Variants in NOTCH2 observed in about 807,000 individuals in gnomAD.
The protein encoded by NOTCH2 is notch receptor 2, also known as neurogenic locus notch homolog protein 2.
Under a neutral mutation model 235.8 loss-of-function variants are expected in NOTCH2, and 29 were observed. The ratio of observed to expected loss-of-function variants is 0.12; its 90% confidence interval spans 0.09 to 0.17. NOTCH2 has a LOEUF of 0.17. Among genes scored for constraint, NOTCH2 ranks in the 10% least tolerant of loss-of-function variants. The probability of loss-of-function intolerance (pLI) is 1.00; values close to 1 mark genes in which losing one functional copy is unlikely to be tolerated. For synonymous variants in NOTCH2, 1,086 were observed against 1,141.5 expected, an observed-to-expected ratio of 0.95 and a Z score of 0.98; for missense variants, 2,285 against 3,150.2, an observed-to-expected ratio of 0.73 and a Z score of 6.57.
At chr1:119,987,150 C>T (rs1198321764) in intron 4 of NOTCH2, 68 bp from the exon 5 acceptor site, 1 of 1,590,694 alleles carries the variant, frequency 6.3e-7, no homozygotes. Context: ...TCTGTTCCCA[C>T]AGAACATGGT....
intron 2 of NOTCH2, among the ~76,000 whole-genome samples, chr1:120,026,974 C>G (rs1215577566): frequency 7.3e-6 from 1 of 136,454 alleles, no homozygotes; most frequent in Non-Finnish European, 1.6e-5. Context: ...TTTTTGGAGA[C>G]ACAGTCTCGC....
Position 119,916,525 on chromosome 1 carries a change from T to A in NOTCH2, c.6197A>T (p.Asn2066Ile). The A allele has an allele frequency of 6.2e-7, 1 of 1,613,328 alleles. No individual in the cohort carries two copies. Among genetic ancestry groups the A allele is most frequent in the Non-Finnish European group, 8.5e-7 (1 of 1,179,276 alleles). ...HDIVRLLDEY[N>I]VTPSPPGTVL... ...GGTGCCTGGAGGGCTTGGGGTCACA[T>A]TGTATTCATCCAGAAGGCGCACAAT... Residue 2066 changes from asparagine to isoleucine, a missense_variant, in exon 34 of 34, where the codon AAT (asparagine) becomes ATT (isoleucine). Physicochemically the swap from Asn to Ile is moderately radical, Grantham distance 149. Transcript: ENST00000256646.
chr1:119,937,933 G>A lies in NOTCH2; in HGVS notation c.3261C>T (p.Cys1087=), dbSNP rs1649917402. Residue 1087 remains cysteine (C), a synonymous_variant, in exon 20 of 34, where the codon TGC becomes TGT. Coordinates refer to ENST00000256646, the MANE Select transcript of NOTCH2 (RefSeq NM_024408.4). ...CACCAGCCCATCCAGATGGACATAG[G>A]CACTGGGACTCTGCTTTTTTCTGAA... ...TCVQKKAESQ[C]LCPSGWAGAY... is the part of the protein sequence containing the mutation. 1 of 1,614,142 alleles carries A rather than the reference G, an allele frequency of 6.2e-7. No homozygotes were observed. The highest frequency in any genetic ancestry group is 1.6e-4 in the Middle Eastern group (1 of 6,062).
chr1:119,937,947 C>G lies in NOTCH2; in HGVS notation c.3247G>C (p.Ala1083Pro). 6.2e-7 allele frequency: 1 copy of G among 1,614,164 alleles called. No homozygotes were observed. Among genetic ancestry groups the G allele is most frequent in the Non-Finnish European group, 8.5e-7 (1 of 1,180,022 alleles). ...KNKGTCVQKK[A>P]ESQCLCPSGW... Reference sequence around the variant, plus strand: ...GATGGACATAGGCACTGGGACTCTGCTTTTTTCTGAACGCAAGTACCTTTG... The same window carrying G: ...GATGGACATAGGCACTGGGACTCTGGTTTTTTCTGAACGCAAGTACCTTTG... The change falls in exon 20 of 34, where the codon GCA becomes CCA. Residue 1083 changes from alanine (A) to proline (P), a missense_variant. Around this residue, in one of 6 missense-constraint regions of NOTCH2, gnomAD observed 1,173 missense variants for 1,515.3 expected, o/e 0.77. Coordinates refer to ENST00000256646, the MANE Select transcript of NOTCH2 (RefSeq NM_024408.4).
At chr1:120,058,505 C>CA (rs4020835) in intron 1 of NOTCH2, among the ~76,000 whole-genome samples, 51 of 135,394 alleles carry the variant, frequency 3.8e-4, no homozygotes, top group Non-Finnish European at 3.0e-4. Context: ...AACTCCAACT[C>CA]AAAAAAAAAG....
chr1:119,976,163 G>A (rs1437668501), intron 5 of NOTCH2, among the ~76,000 whole-genome samples: 1 of 152,076 alleles, frequency 6.6e-6, no homozygotes, highest in Non-Finnish European at 1.5e-5. Context: ...CTATGGCTGA[G>A]TCAAGAGAGC....
intron 14 of NOTCH2, among the ~76,000 whole-genome samples, chr1:119,951,757 G>A (rs1553197847): frequency 1.3e-5 from 2 of 152,228 alleles, no homozygotes; most frequent in Admixed American, 1.3e-4. Flanking sequence ...CCTTAAAGTA[G>A]AGAAACTATG....
Position 119,943,188 on chromosome 1 carries a change from T to C in NOTCH2, c.2753-1434A>G, listed in dbSNP as rs587660791. 6.3e-4 allele frequency among the ~76,000 whole-genome samples: 96 copies of C among 152,338 alleles called. 1 individual carries two copies. Among genetic ancestry groups the C allele is most frequent in the African/African-American group, 2.1e-3 (89 of 41,566 alleles). On this transcript the variant is annotated intron_variant, in intron 17 of 33. Coordinates refer to ENST00000256646, the MANE Select transcript of NOTCH2 (RefSeq NM_024408.4). ...ATCTTATCACTGCCGGCACCTAGCA[T>C]GGTGGCCTCTATATGATAATCTGAA...
intron 19 of NOTCH2, among the ~76,000 whole-genome samples, chr1:119,939,862 C>T (rs946708690): frequency 6.6e-6 from 1 of 151,448 alleles, no homozygotes; most frequent in Non-Finnish European, 1.5e-5. Flanking sequence ...CTTAAGTGCG[C>T]CCTGTAAGTC....
chr1:119,917,351 C>T (rs2493395), intron 33 of NOTCH2, among the ~76,000 whole-genome samples: 6 of 151,642 alleles, frequency 4.0e-5, no homozygotes, highest in South Asian at 4.2e-4. Flanking sequence ...AGAAAGAAAA[C>T]GAGAAAAAGA....
At position 120,000,906 on chromosome 1, in the gene NOTCH2, C is replaced by G. The variant is rs373684801; in HGVS notation, c.416-3574G>C. Among the ~76,000 whole-genome samples the G allele has an allele frequency of 2.7e-4, 41 of 151,890 alleles. No homozygotes were observed. In the East Asian group the frequency reaches 6.6e-3, roughly 25 times the overall value. ...ATGAATGATATGGTTTGGTAGTGTC[C>G]CCACCCAAATCTCAACTTGAATTGT... On this transcript the variant is annotated intron_variant, in intron 3 of 33. Coordinates refer to ENST00000256646, the MANE Select transcript of NOTCH2 (RefSeq NM_024408.4).
Position 119,979,708 on chromosome 1 carries a change from GTTATAAAA to G in NOTCH2, c.874+7244_874+7251del, listed in dbSNP as rs1651736531. On this transcript the variant is annotated intron_variant, in intron 5 of 33. Coordinates refer to ENST00000256646, the MANE Select transcript of NOTCH2 (RefSeq NM_024408.4). ...CTAAGTTGAAAATATTATAAATTGG[GTTATAAAA>G]TTGTAAATATCAAGAATAATTTTAA... 5.9e-5 allele frequency among the ~76,000 whole-genome samples: 9 copies of G among 152,104 alleles called. No homozygotes were observed. The South Asian group carries it at 1.9e-3, about 32-fold the overall frequency.
rs1470762283 is a variant in NOTCH2, at chr1:119,916,241, C to T, written c.6481G>A (p.Val2161Ile). The T allele has an allele frequency of 7.4e-6, 12 of 1,614,086 alleles. No individual in the cohort carries two copies. Among genetic ancestry groups the T allele is most frequent in the Admixed American group, 1.7e-5 (1 of 60,004 alleles). The part of the protein sequence containing the change: ...VDSLESPHTY[V>I]SDTTSSPMIT... ...ATTGGAGAGGATGTGGTGTCGGAAA[C>T]ATACGTGTGAGGAGATTCTAGGGAA... Residue 2161 changes from valine to isoleucine, a missense_variant, in exon 34 of 34, where the codon GTT (valine) becomes ATT (isoleucine). Val to Ile is a conservative substitution (Grantham distance 29). This residue lies in a region of NOTCH2 where 504 missense variants were observed against 538.0 expected (regional missense o/e 0.94). Coordinates refer to ENST00000256646, the MANE Select transcript of NOTCH2 (RefSeq NM_024408.4).
chr1:119,965,245 T>A, intron 10 of NOTCH2, among the ~76,000 whole-genome samples: 1 of 152,320 alleles, frequency 6.6e-6, no homozygotes, highest in Non-Finnish European at 1.5e-5. Flanking sequence ...AATGGAAATA[T>A]CTGGGCCAGA....
At chr1:119,981,883 A>G (rs1651826366) in intron 5 of NOTCH2, among the ~76,000 whole-genome samples, 2 of 152,144 alleles carry the variant, frequency 1.3e-5, no homozygotes, top group Admixed American at 6.5e-5. Context: ...CAGCTTTGAA[A>G]TACCATATAT....
At chr1:119,937,767 T>A in intron 20 of NOTCH2, 90 bp downstream of exon 20, 1 of 1,481,860 alleles carries the variant, frequency 6.7e-7, no homozygotes, top group Non-Finnish European at 9.3e-7. Flanking sequence ...CCCTTCCCTC[T>A]TATTCCACAA....
Position 119,955,348 on chromosome 1 carries a change from G to C in NOTCH2, c.2027-116C>G. ...CTGCTCAGGCCATAAGGTGCCTTGA[G>C]GCACCAAATGTCAAGATGTAAGGAA... On this transcript the variant is annotated intron_variant, in intron 12 of 33. Transcript: ENST00000256646. 4 of 988,170 alleles carry C rather than the reference G, an allele frequency of 4.0e-6. No homozygotes were observed. The East Asian group carries it at 1.0e-4, about 25-fold the overall frequency. The allele number at this position is 988,170 out of a possible 1,614,324, so 61.2% of individuals were successfully genotyped here.
intron 17 of NOTCH2, among the ~76,000 whole-genome samples, chr1:119,945,567 T>C (rs1181597281): frequency 2.6e-5 from 4 of 152,112 alleles, no homozygotes; most frequent in Non-Finnish European, 5.9e-5. Flanking sequence ...AGAGTAGCTA[T>C]ATCAGTATCA....
At chr1:119,939,625 T>A (rs1175373163) in intron 19 of NOTCH2, among the ~76,000 whole-genome samples, 4 of 152,212 alleles carry the variant, frequency 2.6e-5, no homozygotes, top group Non-Finnish European at 5.9e-5. Context: ...CCTTTCATCT[T>A]AATTCACACA....
Sources: gnomAD v4.1 joint callset for allele counts (sites outside exome capture counted in the v4.1 genomes callset) on GRCh38, gnomAD v4.1.1 for gene constraint, gnomAD v4.1.1 regional missense constraint, MANE v1.5 for transcripts, NCBI Gene and HGNC (gene_info 2026-07-23, HGNC 2026-07-21) for gene names.